The following INPP5E variants were observed in gnomAD, a reference collection of about 807,000 sequenced individuals.
INPP5E encodes inositol polyphosphate-5-phosphatase E, also known as phosphatidylinositol polyphosphate 5-phosphatase type IV.
A neutral mutation model predicts 50.5 loss-of-function variants in INPP5E; 34 were observed. That is an observed-to-expected ratio of 0.67 (90% CI 0.51 to 0.90). The LOEUF (loss-of-function observed/expected upper bound fraction) is 0.90. INPP5E is among the 40% of genes least tolerant of loss of function. The probability of loss-of-function intolerance (pLI) is 0.00; values close to 1 mark genes in which losing one functional copy is unlikely to be tolerated. For synonymous variants in INPP5E, 447 were observed against 406.0 expected (o/e 1.10, Z -1.21); for missense variants, 942 against 905.5 (o/e 1.04, Z -0.52).
intron 1 of INPP5E, chr9:136,435,602 A>C (rs1835812011): frequency 6.6e-6 from 1 of 152,528 alleles, no homozygotes; most frequent in South Asian, 2.1e-4. Flanking sequence ...GGCGGTGCAC[A>C]CAGATGGTTA....
At position 136,438,596 on chromosome 9, in the gene INPP5E, G is replaced by A; in HGVS notation, c.812+12C>T. The A allele has an allele frequency of 7.1e-7, 1 of 1,413,612 alleles. No individual in the cohort carries two copies. The highest frequency in any genetic ancestry group is 2.7e-5 in the Admixed American group (1 of 37,402). The allele number at this position is 1,413,612 out of a possible 1,614,324, so 87.6% of individuals were successfully genotyped here. A position where few individuals can be genotyped will look rare whatever the true frequency, so the allele number is the denominator to read the frequency against. On this transcript the variant is annotated intron_variant, in intron 1 of 9. Transcript: ENST00000371712. Reference sequence around the variant, plus strand: ...GGCGGCGCGGGCGCTGCACCCGCCAGGCCCTCCCTACCTGCTGCGGACGTC... The same window carrying A: ...GGCGGCGCGGGCGCTGCACCCGCCAAGCCCTCCCTACCTGCTGCGGACGTC...
At position 136,430,433 on chromosome 9, in the gene INPP5E, GCAGGAGGTC is replaced by G. The variant is rs1564431322; in HGVS notation, c.1666-29_1666-21del. The G allele has an allele frequency of 6.4e-7, 1 of 1,553,454 alleles. No individual in the cohort carries two copies. The highest frequency in any genetic ancestry group is 8.7e-7 in the Non-Finnish European group (1 of 1,147,918). Reference sequence around the variant, plus strand: ...GCGGTCCTTTGGGAAGATTGCAGAGGCAGGAGGTCCAGTTACTTGTGAGGAGCCGTGGGG... The same window carrying G: ...GCGGTCCTTTGGGAAGATTGCAGAGGCAGTTACTTGTGAGGAGCCGTGGGG... On this transcript the variant is annotated intron_variant, in intron 8 of 9. Transcript: ENST00000371712.
chr9:136,429,369 C>G lies in INPP5E; in HGVS notation c.*306G>C, dbSNP rs1050265234. On this transcript the variant is annotated 3_prime_UTR_variant, in exon 10 of 10. Coordinates refer to ENST00000371712, the MANE Select transcript of INPP5E (RefSeq NM_019892.6). ...CACAGGAGCTGCTCAGGAACGGATTCTGACGTCTGCCCCCGAGAGTGGCTG... is the reference window on the plus strand; with the variant it reads ...CACAGGAGCTGCTCAGGAACGGATTGTGACGTCTGCCCCCGAGAGTGGCTG... 3 of 486,142 alleles carry G rather than the reference C, an allele frequency of 6.2e-6. No homozygotes were observed. The highest frequency in any genetic ancestry group is 5.9e-5 in the African/African-American group (3 of 51,176). The allele number at this position is 486,142 out of a possible 1,614,324, so 30.1% of individuals were successfully genotyped here.
At chr9:136,436,025 G>A (rs998521026) in intron 1 of INPP5E, 5 of 152,186 alleles carry the variant, frequency 3.3e-5, no homozygotes, top group South Asian at 2.1e-4. Flanking sequence ...TGGATACGCC[G>A]TCTTCTGACA....
chr9:136,438,418 C>T, intron 1 of INPP5E, 190 bp downstream of exon 1: 6 of 628,686 alleles, frequency 9.5e-6, no homozygotes, highest in Non-Finnish European at 8.5e-6. Context: ...CTGAAACGCA[C>T]AGGAAAAGTT....
chr9:136,430,421 A>G lies in INPP5E; in HGVS notation c.1666-8T>C. The G allele has an allele frequency of 6.4e-7, 1 of 1,554,482 alleles. No individual in the cohort carries two copies. The highest frequency in any genetic ancestry group is 1.2e-5 in the South Asian group (1 of 84,312). On this transcript the variant is annotated splice_region_variant and splice_polypyrimidine_tract_variant and intron_variant, in intron 8 of 9. Transcript: ENST00000371712. ...TCTGTACAAGACGCGGTCCTTTGGG[A>G]AGATTGCAGAGGCAGGAGGTCCAGT...
rs1322001821 is a variant in INPP5E at position 136,429,277 on chromosome 9, C to T, written c.*398G>A. 1.2e-5 allele frequency: 4 copies of T among 335,758 alleles called. No individual in the cohort carries two copies. The highest frequency in any genetic ancestry group is 1.7e-5 in the Non-Finnish European group (3 of 171,866). The allele number at this position is 335,758 out of a possible 1,614,324, so 20.8% of individuals were successfully genotyped here. A position where few individuals can be genotyped will look rare whatever the true frequency, so the allele number is the denominator to read the frequency against. On this transcript the variant is annotated 3_prime_UTR_variant, in exon 10 of 10. Transcript: ENST00000371712. ...GGAGGACACAGATGGACGCCTGCTT[C>T]GGGTGTGGAGGGAGAGGCTGGTGCA...
rs1835731887 is a variant in INPP5E, at chr9:136,432,515, T to G, written c.1351A>C (p.Asn451His). ...CGATAGGGGTTGGTGTCGGGCACATTTCTGGGCAGGACCAGGGCTTGTACA... is the reference window on the plus strand; with the variant it reads ...CGATAGGGGTTGGTGTCGGGCACATGTCTGGGCAGGACCAGGGCTTGTACA... ...RTVQALVLPRNVPDTNPYRSS... is the reference protein window; with the variant it reads ...RTVQALVLPRHVPDTNPYRSS... Residue 451 changes from asparagine to histidine, a missense_variant, in exon 6 of 10, where the codon AAT becomes CAT. Transcript: ENST00000371712. 1 of 1,551,506 alleles carries G rather than the reference T, an allele frequency of 6.4e-7. No homozygotes were observed. Among genetic ancestry groups the G allele is most frequent in the African/African-American group, 1.4e-5 (1 of 73,152 alleles).
intron 3 of INPP5E, 135 bp downstream of exon 3, chr9:136,433,902 C>G: frequency 2.7e-6 from 2 of 741,040 alleles, no homozygotes. Context: ...TATCAGCGCC[C>G]AGCAGCTTCA....
At chr9:136,434,704 A>AC in intron 2 of INPP5E, 36 bp downstream of exon 2, 27 of 1,232,762 alleles carry the variant, frequency 2.2e-5, no homozygotes, top group Non-Finnish European at 2.6e-5. Flanking sequence ...GCACCACCCC[A>AC]CCCTTCCCCG....
At chr9:136,434,674 C>A (rs747707226) in intron 2 of INPP5E, 66 bp downstream of exon 2, 197 of 1,555,024 alleles carry the variant, frequency 1.3e-4, no homozygotes, top group Non-Finnish European at 1.6e-4. Context: ...TGCCCCGTCC[C>A]CCTCACCCGC....
rs981343381 is a variant in INPP5E, at chr9:136,439,636, G to A, written c.-217C>T. On this transcript the variant is annotated 5_prime_UTR_variant, in exon 1 of 10. Coordinates refer to ENST00000371712, the MANE Select transcript of INPP5E (RefSeq NM_019892.6). ...CGGGGCTCCCAGACGCCGTTCCCAG[G>A]GCGGTCCGCAGGCAAGGCCTGGGGG... 6 of 363,270 alleles carry A rather than the reference G, an allele frequency of 1.7e-5. No homozygotes were observed. The highest frequency in any genetic ancestry group is 2.9e-5 in the Non-Finnish European group (6 of 204,758). 22.5% of individuals were successfully genotyped at this position (363,270 alleles called of 1,614,324 possible). A position where few individuals can be genotyped will look rare whatever the true frequency, so the allele number is the denominator to read the frequency against.
Position 136,431,062 on chromosome 9 carries a change from C to T in INPP5E, c.1605G>A (p.Lys535=). ...CGTACGTGTCCTTCCCGATGTCAAA[C>T]TTGTATGATGGGAGGAAGTGGATGT... is the stretch of plus-strand genomic sequence containing the variant. ...EPDIHFLPSY[K]FDIGKDTYDS... The change falls in exon 8 of 10, where the codon AAG becomes AAA. Residue 535 remains lysine (K), a synonymous_variant. Coordinates refer to ENST00000371712, the MANE Select transcript of INPP5E (RefSeq NM_019892.6). 1.2e-6 allele frequency: 2 copies of T among 1,613,330 alleles called. No individual in the cohort carries two copies. Among genetic ancestry groups the T allele is most frequent in the South Asian group, 1.1e-5 (1 of 91,076 alleles).
At chr9:136,437,697 A>AC (rs1276952553) in intron 1 of INPP5E, 1 of 151,938 alleles carries the variant, frequency 6.6e-6, no homozygotes, top group Non-Finnish European at 1.5e-5. Flanking sequence ...ACCACCTCAC[A>AC]CCTCTCCCTT....
Position 136,429,819 on chromosome 9 carries a change from G to A in INPP5E, c.1803-12C>T. On this transcript the variant is annotated splice_polypyrimidine_tract_variant and intron_variant, in intron 9 of 9. Transcript: ENST00000371712. ...CTGCCAACGGAATGCTGTGGAGGAGGAGGGGGCGTTAGGAGGGCACCCAGG... is the reference window on the plus strand; with the variant it reads ...CTGCCAACGGAATGCTGTGGAGGAGAAGGGGGCGTTAGGAGGGCACCCAGG... 6.2e-7 allele frequency: 1 copy of A among 1,612,632 alleles called. No homozygotes were observed. Among genetic ancestry groups the A allele is most frequent in the South Asian group, 1.1e-5 (1 of 91,004 alleles).
intron 3 of INPP5E, among the ~76,000 whole-genome samples, chr9:136,433,609 C>T (rs1209952455): frequency 6.6e-6 from 1 of 152,166 alleles, no homozygotes; most frequent in East Asian, 1.9e-4. Flanking sequence ...GGGCGGCAGC[C>T]ACCTGCTGTT....
At chr9:136,434,284 G>A (rs767778415) in intron 2 of INPP5E, 150 bp from the exon 3 acceptor site, 9 of 653,280 alleles carry the variant, frequency 1.4e-5, no homozygotes, top group Admixed American at 4.8e-5. Context: ...CCCGGTCTCC[G>A]AGGCAGCCTC....
In INPP5E at chr9:136,438,653, G is replaced by A; in HGVS notation, c.767C>T (p.Ser256Phe). The change falls in exon 1 of 10, where the codon TCC (serine) becomes TTC (phenylalanine). Residue 256 changes from serine (S) to phenylalanine (F), a missense_variant. Transcript: ENST00000371712. ...GCGGATGGGCGCCAGGAGGCTGAAGGAGGATTTGGCCGAGCGAAGGGAACA... is the reference window on the plus strand; with the variant it reads ...GCGGATGGGCGCCAGGAGGCTGAAGAAGGATTTGGCCGAGCGAAGGGAACA... ...DDCSLRSAKS[S>F]FSLLAPIRSK... 29 of 1,583,530 alleles carry A rather than the reference G, an allele frequency of 1.8e-5. No homozygotes were observed. The highest frequency in any genetic ancestry group is 2.5e-5 in the Non-Finnish European group (29 of 1,165,498).
chr9:136,429,908 C>G (rs1215980922), intron 9 of INPP5E, 101 bp from the exon 10 acceptor site: 4 of 874,896 alleles, frequency 4.6e-6, no homozygotes, highest in Non-Finnish European at 7.5e-6. Context: ...AGAGGACACC[C>G]AGGGCCAGGA....
Sources: gnomAD v4.1 joint callset for allele counts (sites outside exome capture counted in the v4.1 genomes callset) on GRCh38, gnomAD v4.1.1 for gene constraint, MANE v1.5 for transcripts, NCBI Gene and HGNC (gene_info 2026-07-23, HGNC 2026-07-21) for gene names.